LIPA: variants seen among roughly 807,000 people sequenced by gnomAD.
LIPA encodes lipase A, lysosomal acid type, also known as lysosomal acid lipase/cholesteryl ester hydrolase.
In LIPA, 26 loss-of-function variants were observed where a neutral mutation model predicts 40.6. That is an observed-to-expected ratio of 0.64 (90% CI 0.47 to 0.89). The LOEUF (loss-of-function observed/expected upper bound fraction) is 0.89. Among genes scored for constraint, LIPA ranks in the 40% least tolerant of loss-of-function variants. The probability of loss-of-function intolerance (pLI) is 0.00; values close to 1 mark genes in which losing one functional copy is unlikely to be tolerated. For synonymous variants in LIPA, 188 were observed against 168.4 expected (o/e 1.12, Z -0.90); for missense variants, 455 against 479.6 (o/e 0.95, Z 0.48).
chr10:89,350,316 T>A (rs1737124802), intron 2 of LIPA, among the ~76,000 whole-genome samples: 1 of 150,624 alleles, frequency 6.6e-6, no homozygotes, highest in Admixed American at 6.6e-5. Flanking sequence ...TGAAGTTACC[T>A]TTTTTTTTAA....
chr10:89,306,985 C>T lies in LIPA; in HGVS notation c.-2+35626G>A, dbSNP rs1843485343. On this transcript the variant is annotated intron_variant, in intron 1 of 5. Coordinates refer to the LIPA transcript ENST00000282673. ...GTGTCTGTTCCATTCTTGCCAGCCT[C>T]CATGCTCTAGCAGATCAGTATGAAG... is the stretch of plus-strand genomic sequence containing the variant. 1.9e-6 allele frequency: 3 copies of T among 1,613,934 alleles called. No individual in the cohort carries two copies. The South Asian group carries it at 3.3e-5, about 18-fold the overall frequency.
intron 2 of LIPA, among the ~76,000 whole-genome samples, chr10:89,364,821 A>C (rs1844046438): frequency 6.6e-6 from 1 of 152,128 alleles, no homozygotes; most frequent in African/African-American, 2.4e-5. Context: ...TGTATCCAAA[A>C]ATCTATAGTA....
intron 1 of LIPA, among the ~76,000 whole-genome samples, chr10:89,250,119 T>TTTTTTTTTTTTA (rs1843097581): frequency 1.4e-5 from 2 of 146,778 alleles, no homozygotes; most frequent in East Asian, 2.0e-4. Context: ...TTTTTTTTTT[T>TTTTTTTTTTTTA]GAGACAGTCT....
At chr10:89,412,773 G>A (rs948000281) in intron 2 of LIPA, 10 of 429,390 alleles carry the variant, frequency 2.3e-5, no homozygotes, top group Admixed American at 1.6e-4. Flanking sequence ...CCTGAAGTCA[G>A]CAAGACCACG....
chr10:89,264,073 G>A (rs1411897479), intron 1 of LIPA, among the ~76,000 whole-genome samples: 1 of 152,232 alleles, frequency 6.6e-6, no homozygotes. Context: ...CTGGCTTGGG[G>A]AGCCTCTAGG....
chr10:89,313,355 C>A (rs909962124), intron 1 of LIPA, among the ~76,000 whole-genome samples: 7 of 152,308 alleles, frequency 4.6e-5, no homozygotes, highest in African/African-American at 1.7e-4. Flanking sequence ...AGCACATTTT[C>A]CTTCCTACAG....
chr10:89,352,923 G>A (rs1006124275), intron 2 of LIPA, among the ~76,000 whole-genome samples: 2 of 151,754 alleles, frequency 1.3e-5, no homozygotes, highest in African/African-American at 4.8e-5. Context: ...CTGATAGCTT[G>A]TCTTCACCAG....
At chr10:89,247,511 A>T in intron 2 of LIPA, 27 bp downstream of exon 2, 1 of 1,395,630 alleles carries the variant, frequency 7.2e-7, no homozygotes, top group Non-Finnish European at 1.0e-6. Flanking sequence ...GATGCATTTT[A>T]AAAGTACATA....
chr10:89,369,972 A>C (rs1363978300), intron 2 of LIPA, among the ~76,000 whole-genome samples: 3 of 152,272 alleles, frequency 2.0e-5, no homozygotes, highest in Non-Finnish European at 4.4e-5. Flanking sequence ...AGAAACTGCT[A>C]TGTGCTACCG....
At chr10:89,389,440 C>T (rs1482206367) in intron 2 of LIPA, among the ~76,000 whole-genome samples, 1 of 152,128 alleles carries the variant, frequency 6.6e-6, no homozygotes, top group Admixed American at 6.5e-5. Flanking sequence ...GACAGAGAAG[C>T]CCAAGGAAGT....
At chr10:89,218,331 T>G (rs1842653970) in intron 8 of LIPA, among the ~76,000 whole-genome samples, 1 of 152,202 alleles carries the variant, frequency 6.6e-6, no homozygotes, top group Non-Finnish European at 1.5e-5. Flanking sequence ...GCAAAACAAC[T>G]ATCACTGCAA....
intron 1 of LIPA, among the ~76,000 whole-genome samples, chr10:89,315,502 A>G (rs10749605): frequency 0.54 from 81,465 of 151,902 alleles, 22,631 homozygotes; most frequent in East Asian, 0.93. Context: ...CAATTCCTTC[A>G]TTATCAAATT....
chr10:89,305,268 G>GA (rs201448676), intron 1 of LIPA, among the ~76,000 whole-genome samples: 14 of 151,726 alleles, frequency 9.2e-5, no homozygotes, highest in South Asian at 2.1e-4. Flanking sequence ...AAAATTCACA[G>GA]AAAAAAATGA....
intron 2 of LIPA, among the ~76,000 whole-genome samples, chr10:89,368,142 A>G (rs146112830): frequency 5.4e-4 from 83 of 152,322 alleles, no homozygotes; most frequent in African/African-American, 1.8e-3. Context: ...CTCTCTTGAC[A>G]TTGGGCTGCA....
At chr10:89,302,086 C>T (rs770025090) in intron 1 of LIPA, 1 of 1,613,576 alleles carries the variant, frequency 6.2e-7, no homozygotes, top group East Asian at 2.2e-5. Context: ...GCTGCCTGAA[C>T]CGAGCCCTGC....
At chr10:89,354,028 C>A (rs1181455121) in intron 2 of LIPA, among the ~76,000 whole-genome samples, 1 of 152,148 alleles carries the variant, frequency 6.6e-6, no homozygotes, top group African/African-American at 2.4e-5. Context: ...TTCTCTCCTG[C>A]TCTGAAACTT....
At position 89,247,153 on chromosome 10, in the gene LIPA, C is replaced by A. The variant is rs549003462; in HGVS notation, c.111+385G>T. Among the ~76,000 whole-genome samples, 268 of 151,930 alleles carry A rather than the reference C, an allele frequency of 1.8e-3. 2 individuals carry two copies. Among genetic ancestry groups the A allele is most frequent in the African/African-American group, 6.1e-3 (254 of 41,412 alleles). The stretch of plus-strand genomic sequence containing the variant: ...TGGGAGGCTGAGGTGGACAGATCAC[C>A]TGAGCTCAGGAGTTCAAGACCACCC... On this transcript the variant is annotated intron_variant, in intron 2 of 9. Transcript: ENST00000336233.
intron 2 of LIPA, chr10:89,404,713 G>C (rs76646858): frequency 6.6e-6 from 1 of 152,208 alleles, no homozygotes; most frequent in African/African-American, 2.4e-5. Context: ...TCAGCACTTC[G>C]ATGGGACGAG....
intron 8 of LIPA, among the ~76,000 whole-genome samples, chr10:89,222,100 T>C (rs1842706536): frequency 6.6e-6 from 1 of 152,100 alleles, no homozygotes; most frequent in African/African-American, 2.4e-5. Context: ...GAAACAGCGG[T>C]TTCTATCTCC....
Sources: gnomAD v4.1 joint callset for allele counts (sites outside exome capture counted in the v4.1 genomes callset) on GRCh38, gnomAD v4.1.1 for gene constraint, MANE v1.5 for transcripts, NCBI Gene and HGNC (gene_info 2026-07-23, HGNC 2026-07-21) for gene names.